RAB11FIP3: variants seen among roughly 807,000 people sequenced by gnomAD.
RAB11FIP3 encodes RAB11 family interacting protein 3.
A neutral mutation model predicts 77.8 loss-of-function variants in RAB11FIP3; 17 were observed. That is an observed-to-expected ratio of 0.22 (90% CI 0.15 to 0.33). The LOEUF (loss-of-function observed/expected upper bound fraction) is 0.33, where lower values mean the gene tolerates loss of function less well. Among genes scored for constraint, RAB11FIP3 ranks in the 10% least tolerant of loss-of-function variants. RAB11FIP3 has a pLI of 1.00. For missense variants in RAB11FIP3, 1,005 were observed against 1,011.2 expected (o/e 0.99, Z 0.08); for synonymous variants, 437 against 448.2 (o/e 0.98, Z 0.31).
chr16:462,281 G>A (rs546207709), intron 2 of RAB11FIP3, among the ~76,000 whole-genome samples: 1 of 152,262 alleles, frequency 6.6e-6, no homozygotes, highest in Non-Finnish European at 1.5e-5. Flanking sequence ...GAGTGCAATG[G>A]CCCGATCTCG....
At chr16:468,328 G>A (rs2055753654) in intron 2 of RAB11FIP3, among the ~76,000 whole-genome samples, 1 of 151,880 alleles carries the variant, frequency 6.6e-6, no homozygotes, top group South Asian at 2.1e-4. Flanking sequence ...TCAGGGAGGC[G>A]GTGCTGCCAT....
intron 5 of RAB11FIP3, among the ~76,000 whole-genome samples, chr16:492,440 G>C (rs1371531099): frequency 7.0e-6 from 1 of 142,520 alleles, no homozygotes; most frequent in Admixed American, 7.0e-5. Context: ...GGAGACCCGA[G>C]GCCGCCCAGG....
At chr16:438,723 C>T (rs1420531368) in intron 1 of RAB11FIP3, among the ~76,000 whole-genome samples, 6 of 144,772 alleles carry the variant, frequency 4.1e-5, no homozygotes. Flanking sequence ...TGGAATTTCG[C>T]TCTAACACCA....
chr16:482,509 G>A lies in RAB11FIP3; in HGVS notation c.904-16G>A, dbSNP rs908763353. ...CCCAGCTTGTGCCCGCTGACTGCTG[G>A]CGCACTCTCTCCTAGGCCAACGAGG... On this transcript the variant is annotated splice_polypyrimidine_tract_variant and intron_variant, in intron 3 of 13. Coordinates refer to ENST00000262305, the MANE Select transcript of RAB11FIP3 (RefSeq NM_014700.4). 2 of 1,612,404 alleles carry A rather than the reference G, an allele frequency of 1.2e-6. No homozygotes were observed. Among genetic ancestry groups the A allele is most frequent in the Non-Finnish European group, 1.7e-6 (2 of 1,179,196 alleles).
intron 1 of RAB11FIP3, among the ~76,000 whole-genome samples, chr16:428,004 G>A (rs999877930): frequency 1.3e-5 from 2 of 152,066 alleles, no homozygotes; most frequent in Non-Finnish European, 2.9e-5. Flanking sequence ...GGGAGGCTGA[G>A]GCAGGAGAAT....
At chr16:489,809 C>G (rs1209010558) in intron 5 of RAB11FIP3, among the ~76,000 whole-genome samples, 1 of 150,932 alleles carries the variant, frequency 6.6e-6, no homozygotes, top group African/African-American at 2.4e-5. Flanking sequence ...CCATAGGGTC[C>G]CCCTCCTTTT....
rs772365429 is a variant in RAB11FIP3, at chr16:522,224, G to A, written c.*1385G>A. ...GATCAATTTTTTAATACTTTCAAGAGAAAACTGTGTATACACATGAAATAT... is the reference window on the plus strand; with the variant it reads ...GATCAATTTTTTAATACTTTCAAGAAAAAACTGTGTATACACATGAAATAT... On this transcript the variant is annotated 3_prime_UTR_variant, in exon 14 of 14. Coordinates refer to ENST00000262305, the MANE Select transcript of RAB11FIP3 (RefSeq NM_014700.4). The A allele has an allele frequency of 4.1e-5, 6 of 146,786 alleles. No individual in the cohort carries two copies. Among genetic ancestry groups the A allele is most frequent in the East Asian group, 4.0e-4 (2 of 4,990 alleles). The allele number at this position is 146,786 out of a possible 1,614,324, so 9.1% of individuals were successfully genotyped here.
chr16:497,355 C>A, intron 6 of RAB11FIP3: 1 of 1,303,256 alleles, frequency 7.7e-7, no homozygotes, highest in Non-Finnish European at 1.0e-6. Flanking sequence ...ATCTTCCTCC[C>A]CTGCCAGTTC....
At chr16:513,076 C>G (rs2032257901) in intron 9 of RAB11FIP3, among the ~76,000 whole-genome samples, 1 of 152,168 alleles carries the variant, frequency 6.6e-6, no homozygotes, top group Admixed American at 6.5e-5. Context: ...AATACATTTG[C>G]AAGGGACGGT....
Position 505,726 on chromosome 16 carries a change from G to A in RAB11FIP3, c.1499+99G>A. ...TCTTTACCTCACACAGCAGGGGCTT[G>A]GCCACCCGTCCATCCCCGTTGGAAG... is the stretch of plus-strand genomic sequence containing the variant. On this transcript the variant is annotated intron_variant, in intron 8 of 13. Coordinates refer to ENST00000262305, the MANE Select transcript of RAB11FIP3 (RefSeq NM_014700.4). The surrounding 1 kb of genome is among the most constrained non-coding windows in gnomAD (Gnocchi z 4.0). 2 of 1,059,376 alleles carry A rather than the reference G, an allele frequency of 1.9e-6. No individual in the cohort carries two copies. Among genetic ancestry groups the A allele is most frequent in the Non-Finnish European group, 2.7e-6 (2 of 741,484 alleles). 65.6% of individuals were successfully genotyped at this position (1,059,376 alleles called of 1,614,324 possible).
chr16:428,249 G>A (rs748534978), intron 1 of RAB11FIP3, among the ~76,000 whole-genome samples: 1 of 152,160 alleles, frequency 6.6e-6, no homozygotes, highest in Non-Finnish European at 1.5e-5. Context: ...GATATTGTCA[G>A]GGTAGTTTTC....
In RAB11FIP3 at chr16:506,339, T is replaced by G. The variant is rs558058656; in HGVS notation, c.1499+712T>G. On this transcript the variant is annotated intron_variant, in intron 8 of 13. Transcript: ENST00000262305. This position sits in a 1 kb window ranked among gnomAD's most constrained non-coding sequence, Gnocchi z 4.5. ...TCAGCTACCCAGGCTATGACACCTGTAGCTGGGCACCGGCAGCCTCTTGTG... is the reference window on the plus strand; with the variant it reads ...TCAGCTACCCAGGCTATGACACCTGGAGCTGGGCACCGGCAGCCTCTTGTG... Among the ~76,000 whole-genome samples the G allele has an allele frequency of 2.3e-3, 356 of 152,216 alleles. 6 individuals carry two copies. Among genetic ancestry groups the G allele is most frequent in the African/African-American group, 8.3e-3 (343 of 41,554 alleles).
chr16:480,851 C>T (rs1259349528), intron 3 of RAB11FIP3, among the ~76,000 whole-genome samples: 1 of 96,694 alleles, frequency 1.0e-5, no homozygotes, highest in African/African-American at 3.1e-5. Context: ...GCTCTTGTTG[C>T]CCAGGCTCGA....
rs2032308475 is a variant in RAB11FIP3, at chr16:514,195, A to G, written c.1640+3395A>G. Among the ~76,000 whole-genome samples the G allele has an allele frequency of 6.6e-6, 1 of 151,858 alleles. No individual in the cohort carries two copies. Among genetic ancestry groups the G allele is most frequent in the South Asian group, 2.1e-4 (1 of 4,826 alleles). On this transcript the variant is annotated intron_variant, in intron 9 of 13. Transcript: ENST00000262305. This position sits in a 1 kb window ranked among gnomAD's most constrained non-coding sequence, Gnocchi z 4.6. ...GCAGCTTCCTGGAGTGGCCACCAGG[A>G]ACCTTGTGGTTCTCAGGGCTGCTCA...
chr16:477,032 G>GCACGGCGCCCAGCCA (rs1427557636), intron 3 of RAB11FIP3, among the ~76,000 whole-genome samples: 2 of 149,926 alleles, frequency 1.3e-5, no homozygotes, highest in African/African-American at 5.0e-5. Context: ...GCTGCAGTGA[G>GCACGGCGCCCAGCCA]CTGAGGTCAC....
chr16:473,099 G>A (rs778192696), intron 3 of RAB11FIP3, among the ~76,000 whole-genome samples: 2 of 152,164 alleles, frequency 1.3e-5, no homozygotes, highest in Non-Finnish European at 2.9e-5. Flanking sequence ...GTTTCTTCAC[G>A]CCCCGTGGTC....
chr16:486,217 C>T (rs1032522762), intron 4 of RAB11FIP3, among the ~76,000 whole-genome samples: 1 of 152,112 alleles, frequency 6.6e-6, no homozygotes, highest in African/African-American at 2.4e-5. Flanking sequence ...AGCAGTATAA[C>T]TCTTGGTGGG....
chr16:510,027 G>T (rs553436779), intron 8 of RAB11FIP3, among the ~76,000 whole-genome samples: 112 of 151,832 alleles, frequency 7.4e-4, no homozygotes, highest in African/African-American at 2.5e-3. Context: ...TCCACGCCCC[G>T]TCCCGAGGCC....
chr16:425,924 A>C lies in RAB11FIP3; in HGVS notation c.-83A>C. On this transcript the variant is annotated 5_prime_UTR_variant, in exon 1 of 14. Transcript: ENST00000262305. ...CCGCGCGCGCCCGCCCGCGCCGCCGAGGGGATGCCCGCGCCCGCCGCCGCG... is the reference window on the plus strand; with the variant it reads ...CCGCGCGCGCCCGCCCGCGCCGCCGCGGGGATGCCCGCGCCCGCCGCCGCG... 2.1e-6 allele frequency: 1 copy of C among 468,132 alleles called. No individual in the cohort carries two copies. The highest frequency in any genetic ancestry group is 2.8e-6 in the Non-Finnish European group (1 of 358,740). The allele number at this position is 468,132 out of a possible 1,614,324, so 29.0% of individuals were successfully genotyped here.
Sources: allele counts gnomAD v4.1 joint callset (sites outside exome capture counted in the v4.1 genomes callset), GRCh38; gene constraint gnomAD v4.1.1; non-coding constraint Gnocchi (gnomAD v3.1); transcripts MANE v1.5; gene names NCBI Gene and HGNC (gene_info 2026-07-23, HGNC 2026-07-21).